The following ZNF608 variants were observed in gnomAD, a reference collection of about 807,000 sequenced individuals.
The protein encoded by ZNF608 is zinc finger protein 608.
ZNF608 carries 12 observed loss-of-function variants against 109.0 expected under a neutral mutation model. The observed-to-expected ratio is 0.11, with a 90% CI of 0.07 to 0.18. The LOEUF (loss-of-function observed/expected upper bound fraction) is 0.18, where lower values mean the gene tolerates loss of function less well. Ranked by LOEUF, ZNF608 falls within the 10% of genes least tolerant of loss-of-function variation. ZNF608 has a pLI of 1.00. For missense variants in ZNF608, 1,707 were observed against 1,879.3 expected, an observed-to-expected ratio of 0.91 and a Z score of 1.70; for synonymous variants, 732 against 717.4, an observed-to-expected ratio of 1.02 and a Z score of -0.33.
chr5:124,649,424 A>T (rs766647674), intron 4 of ZNF608, among the ~76,000 whole-genome samples, 186 bp downstream of exon 4: 3 of 152,232 alleles, frequency 2.0e-5, no homozygotes, highest in Non-Finnish European at 4.4e-5. Flanking sequence ...AGGGGTGGGG[A>T]GCAGAGATCT....
intron 3 of ZNF608, among the ~76,000 whole-genome samples, chr5:124,683,276 A>G (rs1752271299): frequency 6.6e-6 from 1 of 152,224 alleles, no homozygotes; most frequent in Non-Finnish European, 1.5e-5. Context: ...CAGAGGCACC[A>G]GCTAAGTTGC....
chr5:124,676,670 A>G (rs1324540556), intron 3 of ZNF608, among the ~76,000 whole-genome samples: 1 of 152,228 alleles, frequency 6.6e-6, no homozygotes, highest in Non-Finnish European at 1.5e-5. Flanking sequence ...ATAGTAAAGA[A>G]CTGGCCACAA....
chr5:124,666,917 A>G (rs1751503902), intron 3 of ZNF608, among the ~76,000 whole-genome samples: 1 of 152,214 alleles, frequency 6.6e-6, no homozygotes, highest in South Asian at 2.1e-4. Flanking sequence ...CAAAATAATG[A>G]AAAAATTTAA....
At chr5:124,703,127 T>C (rs1357086402) in intron 2 of ZNF608, among the ~76,000 whole-genome samples, 2 of 152,186 alleles carry the variant, frequency 1.3e-5, no homozygotes, top group Non-Finnish European at 2.9e-5. Context: ...TTAATTTGTA[T>C]AGTTAGTTGT....
At chr5:124,661,204 T>G (rs13361150) in intron 3 of ZNF608, among the ~76,000 whole-genome samples, 21,739 of 152,216 alleles carry the variant, frequency 0.14, 1,917 homozygotes, top group Non-Finnish European at 0.2. Flanking sequence ...CTGGACTATT[T>G]CAGGGTAAGA....
At chr5:124,742,788 T>G (rs946357331) in intron 2 of ZNF608, among the ~76,000 whole-genome samples, 2 of 152,162 alleles carry the variant, frequency 1.3e-5, no homozygotes, top group African/African-American at 4.8e-5. Flanking sequence ...ATATAAAAGT[T>G]TAAGTAGCAG....
chr5:124,709,960 T>C (rs553798018), intron 2 of ZNF608, among the ~76,000 whole-genome samples: 3 of 152,332 alleles, frequency 2.0e-5, no homozygotes, highest in South Asian at 2.1e-4. Flanking sequence ...CCCAATCCCT[T>C]AAAAGTGAAA....
intron 3 of ZNF608, among the ~76,000 whole-genome samples, chr5:124,659,741 A>T (rs952566825): frequency 5.9e-5 from 9 of 152,334 alleles, no homozygotes; most frequent in African/African-American, 1.7e-4. Context: ...TACAGATTAT[A>T]GGACTGTATC....
intron 2 of ZNF608, among the ~76,000 whole-genome samples, chr5:124,714,428 G>T (rs186297459): frequency 2.6e-5 from 4 of 152,122 alleles, no homozygotes; most frequent in Non-Finnish European, 4.4e-5. Flanking sequence ...TCTCACAGAG[G>T]ATGACAGGTC....
chr5:124,717,697 T>C (rs1036944345), intron 2 of ZNF608, among the ~76,000 whole-genome samples: 4 of 152,174 alleles, frequency 2.6e-5, no homozygotes, highest in African/African-American at 9.7e-5. Flanking sequence ...TGTTTTAGTT[T>C]TATAAATGAG....
chr5:124,733,799 C>T (rs1749020134), intron 2 of ZNF608, among the ~76,000 whole-genome samples: 1 of 152,070 alleles, frequency 6.6e-6, no homozygotes, highest in African/African-American at 2.4e-5. Context: ...AAAGAGCACT[C>T]CGACTTCTTT....
In ZNF608 at chr5:124,746,224, G is replaced by T. The variant is rs1749635955; in HGVS notation, c.-213C>A. On this transcript the variant is annotated 5_prime_UTR_variant, in exon 1 of 10. Transcript: ENST00000513986. Reference sequence around the variant, plus strand: ...TAATCCTTTATCATTTTTTAATTAGGCCAGCAAATCAAAATGCCTTTCCCA... The same window carrying T: ...TAATCCTTTATCATTTTTTAATTAGTCCAGCAAATCAAAATGCCTTTCCCA... The T allele has an allele frequency of 2.0e-6, 2 of 985,072 alleles. No homozygotes were observed. Among genetic ancestry groups the T allele is most frequent in the Non-Finnish European group, 2.4e-6 (2 of 829,896 alleles). The allele number at this position is 985,072 out of a possible 1,614,324, so 61.0% of individuals were successfully genotyped here.
intron 3 of ZNF608, among the ~76,000 whole-genome samples, chr5:124,660,191 T>A (rs34479641): frequency 6.6e-5 from 10 of 150,392 alleles, no homozygotes; most frequent in East Asian, 4.2e-4. Context: ...TGTGTGTGTG[T>A]GTGAGAGAGA....
intron 2 of ZNF608, among the ~76,000 whole-genome samples, chr5:124,735,415 G>A (rs538828379): frequency 6.6e-6 from 1 of 152,164 alleles, no homozygotes; most frequent in Non-Finnish European, 1.5e-5. Context: ...CCCCGGGCCC[G>A]AGGTGCCAGC....
At chr5:124,717,414 TG>T (rs1358208423) in intron 2 of ZNF608, among the ~76,000 whole-genome samples, 2 of 152,154 alleles carry the variant, frequency 1.3e-5, no homozygotes, top group Non-Finnish European at 2.9e-5. Flanking sequence ...GAAATTGCAG[TG>T]AGCCAAGATT....
Position 124,663,172 on chromosome 5 carries a change from T to C in ZNF608, c.1163-13475A>G, listed in dbSNP as rs140484762. On this transcript the variant is annotated intron_variant, in intron 3 of 9. Transcript: ENST00000513986. ...CAGGGTGAAGAGTACAGCATTCCATTCAGGCTTCCTTTGAAGAAATTCAGC... is the reference window on the plus strand; with the variant it reads ...CAGGGTGAAGAGTACAGCATTCCATCCAGGCTTCCTTTGAAGAAATTCAGC... Among the ~76,000 whole-genome samples the C allele has an allele frequency of 7.1e-3, 1,083 of 152,338 alleles. 44 individuals are homozygous for C. Among genetic ancestry groups the C allele is most frequent in the Admixed American group, 0.06 (919 of 15,300 alleles).
Position 124,648,731 on chromosome 5 carries a change from C to T in ZNF608, c.1653G>A (p.Val551=). The T allele has an allele frequency of 6.2e-7, 1 of 1,614,234 alleles. No homozygotes were observed. Among genetic ancestry groups the T allele is most frequent in the Non-Finnish European group, 8.5e-7 (1 of 1,180,044 alleles). Residue 551 remains valine (V), a synonymous_variant, in exon 5 of 10, where the codon GTG becomes GTA. Transcript: ENST00000513986. The part of the protein sequence containing the change: ...TFLDQGCSSP[V]LIDCPHPNCN... The stretch of plus-strand genomic sequence containing the variant: ...AGTTTGGGTGGGGACAGTCGATTAA[C>T]ACTGGAGAAGAGCAGCCTTGGTCCA...
intron 3 of ZNF608, among the ~76,000 whole-genome samples, chr5:124,696,853 T>G (rs1752868812): frequency 6.6e-6 from 1 of 152,212 alleles, no homozygotes; most frequent in African/African-American, 2.4e-5. Context: ...TGCAAAGGGC[T>G]AAGACATCAA....
chr5:124,722,969 C>A (rs1286553396), intron 2 of ZNF608, among the ~76,000 whole-genome samples: 1 of 151,904 alleles, frequency 6.6e-6, no homozygotes, highest in African/African-American at 2.4e-5. Context: ...ATCATAACTT[C>A]CAGTTAAAGA....
Sources: allele counts gnomAD v4.1 joint callset (sites outside exome capture counted in the v4.1 genomes callset), GRCh38; gene constraint gnomAD v4.1.1; transcripts MANE v1.5; gene names NCBI Gene and HGNC (gene_info 2026-07-23, HGNC 2026-07-21).